FMN2: variants seen among roughly 807,000 people sequenced by gnomAD.
FMN2 encodes formin-2.
Under a neutral mutation model 142.3 loss-of-function variants are expected in FMN2, and 51 were observed. The ratio of observed to expected loss-of-function variants is 0.36; its 90% CI spans 0.29 to 0.45. The LOEUF is 0.45. Among genes scored for constraint, FMN2 ranks in the 20% least tolerant of loss-of-function variants. The probability of loss-of-function intolerance (pLI) is 1.00; values close to 1 mark genes in which losing one functional copy is unlikely to be tolerated. For synonymous variants in FMN2, 882 were observed against 869.8 expected (o/e 1.01, Z -0.25); for missense variants, 1,936 against 2,122.8 (o/e 0.91, Z 1.73).
intron 2 of FMN2, among the ~76,000 whole-genome samples, chr1:240,153,278 TTTG>T (rs1407118581): frequency 1.3e-5 from 2 of 152,126 alleles, no homozygotes; most frequent in Non-Finnish European, 2.9e-5. Context: ...TATCATCATT[TTTG>T]TTGTTATATT....
At chr1:240,270,244 G>A (rs1320202218) in intron 7 of FMN2, among the ~76,000 whole-genome samples, 1 of 152,022 alleles carries the variant, frequency 6.6e-6, no homozygotes, top group African/African-American at 2.4e-5. Context: ...CATGAAACGA[G>A]TTTGCCAAGG....
chr1:240,378,402 C>T (rs144312134), intron 14 of FMN2, among the ~76,000 whole-genome samples: 11 of 152,264 alleles, frequency 7.2e-5, no homozygotes, highest in African/African-American at 9.6e-5. Context: ...CCACCCACCT[C>T]GGCCTCCCAA....
At chr1:240,276,440 C>T (rs1323919974) in intron 7 of FMN2, among the ~76,000 whole-genome samples, 2 of 152,100 alleles carry the variant, frequency 1.3e-5, no homozygotes, top group Admixed American at 6.6e-5. Flanking sequence ...GGAGAAGCTT[C>T]ATGTGTCCTG....
chr1:240,209,116 T>C (rs1458541620), intron 5 of FMN2, among the ~76,000 whole-genome samples: 1 of 152,128 alleles, frequency 6.6e-6, no homozygotes, highest in Admixed American at 6.5e-5. Context: ...CTTTGGAAAA[T>C]GAATGAGGGC....
At chr1:240,276,370 GC>G (rs1351538036) in intron 7 of FMN2, among the ~76,000 whole-genome samples, 1 of 152,154 alleles carries the variant, frequency 6.6e-6, no homozygotes, top group African/African-American at 2.4e-5. Context: ...GAATAATGGT[GC>G]GTGGTTAAGA....
chr1:240,392,978 T>C (rs1673654859), intron 15 of FMN2, among the ~76,000 whole-genome samples: 1 of 107,030 alleles, frequency 9.3e-6, no homozygotes, highest in Non-Finnish European at 1.8e-5. Flanking sequence ...CTTGCAATTA[T>C]GGGTAAACAT....
chr1:240,359,714 G>A (rs1364131283), intron 14 of FMN2, among the ~76,000 whole-genome samples: 2 of 152,152 alleles, frequency 1.3e-5, no homozygotes, highest in African/African-American at 4.8e-5. Flanking sequence ...ACTGTCATAA[G>A]GCATTCATTG....
chr1:240,224,810 T>TA (rs945090431), intron 6 of FMN2, among the ~76,000 whole-genome samples: 5 of 152,150 alleles, frequency 3.3e-5, no homozygotes, highest in African/African-American at 1.2e-4. Context: ...CCTGGCTGAC[T>TA]AAAATTAGAG....
At chr1:240,279,428 A>C (rs1434318829) in intron 7 of FMN2, among the ~76,000 whole-genome samples, 2 of 152,098 alleles carry the variant, frequency 1.3e-5, no homozygotes, top group Admixed American at 6.5e-5. Flanking sequence ...CAAAACTGAT[A>C]ATCTCCTTTG....
At position 240,207,409 on chromosome 1, in the gene FMN2, C is replaced by T; in HGVS notation, c.2597C>T (p.Ser866Phe). The T allele has an allele frequency of 6.2e-7, 1 of 1,613,832 alleles. No individual in the cohort carries two copies. Among genetic ancestry groups the T allele is most frequent in the Non-Finnish European group, 8.5e-7 (1 of 1,179,866 alleles). Residue 866 changes from serine to phenylalanine, a missense_variant, in exon 5 of 18, where the codon TCC becomes TTC. This residue lies in a region of FMN2 where 478 missense variants were observed against 462.8 expected (regional missense o/e 1.03). Transcript: ENST00000319653. ...PSPPPLPCTESSSSMPGLGMV... is the reference protein window; with the variant it reads ...PSPPPLPCTEFSSSMPGLGMV... ...CCACCACCTCTGCCTTGCACAGAGT[C>T]CTCCAGCTCCATGCCTGGCCTGGGC...
intron 6 of FMN2, among the ~76,000 whole-genome samples, chr1:240,242,352 A>G (rs1376804242): frequency 6.6e-6 from 1 of 152,216 alleles, no homozygotes; most frequent in Non-Finnish European, 1.5e-5. Flanking sequence ...GAGAAGTCAG[A>G]TGGACACTAG....
chr1:240,250,423 T>A (rs1668239220), intron 6 of FMN2, among the ~76,000 whole-genome samples: 1 of 152,206 alleles, frequency 6.6e-6, no homozygotes, highest in South Asian at 2.1e-4. Context: ...CATTTTTGCA[T>A]CCCTGGGATA....
chr1:240,207,426 G>T lies in FMN2; in HGVS notation c.2614G>T (p.Gly872Cys), dbSNP rs1416329625. 6.2e-7 allele frequency: 1 copy of T among 1,613,684 alleles called. No individual in the cohort carries two copies. The highest frequency in any genetic ancestry group is 1.1e-5 in the South Asian group (1 of 91,064). The change falls in exon 5 of 18, where the codon GGC (glycine) becomes TGC (cysteine). Residue 872 changes from glycine (G) to cysteine (C), a missense_variant. Transcript: ENST00000319653. Reference protein sequence around the residue: ...PCTESSSSMPGLGMVPPPPPP... With the variant: ...PCTESSSSMPCLGMVPPPPPP... ...CACAGAGTCCTCCAGCTCCATGCCTGGCCTGGGCATGGTGCCTCCCCCACC... is the reference window on the plus strand; with the variant it reads ...CACAGAGTCCTCCAGCTCCATGCCTTGCCTGGGCATGGTGCCTCCCCCACC...
At chr1:240,420,090 A>G (rs1337129140) in intron 15 of FMN2, among the ~76,000 whole-genome samples, 1 of 152,086 alleles carries the variant, frequency 6.6e-6, no homozygotes, top group African/African-American at 2.4e-5. Context: ...CTATCATCCC[A>G]GTGGATTTTA....
intron 8 of FMN2, among the ~76,000 whole-genome samples, chr1:240,308,542 G>A (rs34988963): frequency 0.13 from 20,241 of 152,066 alleles, 1,485 homozygotes; most frequent in South Asian, 0.23. Flanking sequence ...GGCTTTACTG[G>A]CCCAACCAGA....
intron 3 of FMN2, among the ~76,000 whole-genome samples, chr1:240,181,974 T>G (rs1004538439): frequency 2.6e-5 from 4 of 152,226 alleles, no homozygotes; most frequent in African/African-American, 9.6e-5. Context: ...TACATATACA[T>G]GTCTTCCCCA....
rs529146752 is a variant in FMN2, at chr1:240,166,668, T to C, written c.1783-11253T>C. ...GTCCCACTATATGTACAAATTAAAT[T>C]TTTTATTCTTACTGCTATTTTTGGA... On this transcript the variant is annotated intron_variant, in intron 2 of 17. Coordinates refer to ENST00000319653, the MANE Select transcript of FMN2 (RefSeq NM_020066.5). 2.0e-5 allele frequency among the ~76,000 whole-genome samples: 3 copies of C among 152,368 alleles called. No homozygotes were observed. In the South Asian group the frequency reaches 6.2e-4, roughly 32 times the overall value.
At chr1:240,203,418 A>G (rs563877692) in intron 4 of FMN2, among the ~76,000 whole-genome samples, 18 of 152,334 alleles carry the variant, frequency 1.2e-4, no homozygotes, top group African/African-American at 3.6e-4. Context: ...CCAGTTGCCC[A>G]TCAATGATAA....
intron 15 of FMN2, among the ~76,000 whole-genome samples, chr1:240,419,956 C>T (rs890866714): frequency 3.9e-5 from 6 of 152,186 alleles, no homozygotes; most frequent in African/African-American, 2.4e-5. Flanking sequence ...CACTAACCAT[C>T]TCCACAATCC....
Sources: gnomAD v4.1 joint callset for allele counts (sites outside exome capture counted in the v4.1 genomes callset) on GRCh38, gnomAD v4.1.1 for gene constraint, gnomAD v4.1.1 regional missense constraint, MANE v1.5 for transcripts, NCBI Gene and HGNC (gene_info 2026-07-23, HGNC 2026-07-21) for gene names.